REXO4: variants seen among roughly 807,000 people sequenced by gnomAD.
The protein encoded by REXO4 is REX4 homolog, 3'-5' exonuclease.
A neutral mutation model predicts 39.9 loss-of-function variants in REXO4; 29 were observed. The ratio of observed to expected loss-of-function variants is 0.73; its 90% CI spans 0.54 to 0.99. The LOEUF is 0.99. Among genes scored for constraint, REXO4 ranks in the 50% least tolerant of loss-of-function variants. The pLI, the probability that REXO4 is intolerant of heterozygous loss-of-function variation, is 0.00. For synonymous variants in REXO4, 184 were observed against 206.2 expected, an observed-to-expected ratio of 0.89 and a Z score of 0.92; for missense variants, 524 against 546.5, an observed-to-expected ratio of 0.96 and a Z score of 0.41.
chr9:133,411,176 T>G, intron 4 of REXO4, 103 bp from the exon 5 acceptor site: 1 of 911,832 alleles, frequency 1.1e-6, no homozygotes, highest in Non-Finnish European at 1.8e-6. Context: ...CTAAGACAAA[T>G]GGTCAGGCCT....
Position 133,410,985 on chromosome 9 carries a change from C to CT in REXO4, c.998dup (p.Val334GlyfsTer5). 1 of 1,613,566 alleles carries CT rather than the reference C, an allele frequency of 6.2e-7. No homozygotes were observed. ...GAGTCCCCAGGAGAGAGCCCAGTAC[C>CT]TTTAGGTCATTATGCAGAGCGTGCC... is the stretch of plus-strand genomic sequence containing the variant. On this transcript the variant is annotated frameshift_variant and splice_region_variant, in exon 5 of 8. Transcript: ENST00000371942. LOFTEE classifies it high-confidence loss of function.
At position 133,411,009 on chromosome 9, in the gene REXO4, C is replaced by G. The variant is rs1276857000; in HGVS notation, c.975G>C (p.Gly325=). The G allele has an allele frequency of 6.2e-7, 1 of 1,613,916 alleles. No homozygotes were observed. The highest frequency in any genetic ancestry group is 8.5e-7 in the Non-Finnish European group (1 of 1,179,906). ...AEMLKGRILV[G]HALHNDLKVL... is the part of the protein sequence containing the mutation. ...CCTTTAGGTCATTATGCAGAGCGTG[C>G]CCCACTAGAATTCTGCCCTTCAGCA... The change falls in exon 5 of 8, where the codon GGG becomes GGC. Residue 325 remains glycine (G), a synonymous_variant. Coordinates refer to ENST00000371942, the MANE Select transcript of REXO4 (RefSeq NM_020385.4).
At position 133,412,421 on chromosome 9, in the gene REXO4, G is replaced by A; in HGVS notation, c.788C>T (p.Ala263Val). Residue 263 changes from alanine (A) to valine (V), a missense_variant, in exon 4 of 8, where the codon GCC becomes GTC. Coordinates refer to ENST00000371942, the MANE Select transcript of REXO4 (RefSeq NM_020385.4). ...ATACTGGTTCACGATGGACACACGG[G>A]CGGCCATGCTCTCCTCCCCCTTAGG... ...VGPKGEESMA[A>V]RVSIVNQYGK... The A allele has an allele frequency of 1.2e-6, 2 of 1,614,092 alleles. No individual in the cohort carries two copies. The highest frequency in any genetic ancestry group is 2.2e-5 in the East Asian group (1 of 44,878).
Position 133,415,016 on chromosome 9 carries a change from G to C in REXO4, c.226-5C>G. The C allele has an allele frequency of 6.4e-7, 1 of 1,573,916 alleles. No homozygotes were observed. On this transcript the variant is annotated splice_polypyrimidine_tract_variant and splice_region_variant and intron_variant, in intron 1 of 7. Transcript: ENST00000371942. ...AGATTTTTGTTTCAGCAGCCACTGGGACCCAAAATAAAATACATGCTGCAT... is the reference window on the plus strand; with the variant it reads ...AGATTTTTGTTTCAGCAGCCACTGGCACCCAAAATAAAATACATGCTGCAT...
At chr9:133,408,281 C>G (rs1464860577) in intron 6 of REXO4, among the ~76,000 whole-genome samples, 1 of 152,018 alleles carries the variant, frequency 6.6e-6, no homozygotes, top group Non-Finnish European at 1.5e-5. Flanking sequence ...CAGCAAGACC[C>G]TATCTCTAAA....
rs782657874 is a variant in REXO4, at chr9:133,412,497, A to C, written c.717-5T>G. Reference sequence around the variant, plus strand: ...AAGGCTAAGGCTCTTGTCAGGCTGAAGGGTAACCAAAGGCTGTAGTTTAAT... The same window carrying C: ...AAGGCTAAGGCTCTTGTCAGGCTGACGGGTAACCAAAGGCTGTAGTTTAAT... On this transcript the variant is annotated splice_polypyrimidine_tract_variant and splice_region_variant and intron_variant, in intron 3 of 7. Coordinates refer to ENST00000371942, the MANE Select transcript of REXO4 (RefSeq NM_020385.4). 1.3e-5 allele frequency: 21 copies of C among 1,613,706 alleles called. No individual in the cohort carries two copies. The highest frequency in any genetic ancestry group is 9.3e-5 in the African/African-American group (7 of 74,914).
intron 5 of REXO4, among the ~76,000 whole-genome samples, chr9:133,409,952 C>T (rs960827465): frequency 2.6e-5 from 4 of 152,150 alleles, no homozygotes; most frequent in Non-Finnish European, 5.9e-5. Context: ...CGAGTCCCCA[C>T]GGCAGCAGTC....
At chr9:133,415,724 A>G (rs1312510970) in intron 1 of REXO4, 3 of 152,252 alleles carry the variant, frequency 2.0e-5, no homozygotes, top group Non-Finnish European at 4.4e-5. Flanking sequence ...AAAACACTCC[A>G]AAGTTTCCCT....
At position 133,406,913 on chromosome 9, in the gene REXO4, G is replaced by A; in HGVS notation, c.*40C>T. On this transcript the variant is annotated 3_prime_UTR_variant, in exon 8 of 8. Transcript: ENST00000371942. Reference sequence around the variant, plus strand: ...ATCTGTCCCTGTGACTGGTCACATTGCCTCTGTAGCGGGGCGGCAGCAGCA... The same window carrying A: ...ATCTGTCCCTGTGACTGGTCACATTACCTCTGTAGCGGGGCGGCAGCAGCA... The A allele has an allele frequency of 6.2e-7, 1 of 1,605,304 alleles. No homozygotes were observed. Among genetic ancestry groups the A allele is most frequent in the Non-Finnish European group, 8.5e-7 (1 of 1,179,806 alleles).
In REXO4 at chr9:133,406,665, C is replaced by T; in HGVS notation, c.*288G>A. On this transcript the variant is annotated 3_prime_UTR_variant, in exon 8 of 8. Coordinates refer to ENST00000371942, the MANE Select transcript of REXO4 (RefSeq NM_020385.4). ...TGGCGGCCCACAGGCCCCAACCTCA[C>T]CTGGCCCAGGGGGTCAGCAGTCGGT... The T allele has an allele frequency of 2.2e-6, 1 of 451,542 alleles. No homozygotes were observed. Among genetic ancestry groups the T allele is most frequent in the Non-Finnish European group, 4.1e-6 (1 of 243,980 alleles). 28.0% of individuals were successfully genotyped at this position (451,542 alleles called of 1,614,324 possible).
At chr9:133,407,143 G>A (rs1281602173) in intron 7 of REXO4, 71 bp from the exon 8 acceptor site, 17 of 1,599,006 alleles carry the variant, frequency 1.1e-5, no homozygotes, top group Admixed American at 3.3e-5. Flanking sequence ...CACAATGACT[G>A]AGCCCTCCCA....
intron 6 of REXO4, 63 bp from the exon 7 acceptor site, chr9:133,407,944 C>G: frequency 7.4e-7 from 1 of 1,343,330 alleles, no homozygotes; most frequent in Admixed American, 1.8e-5. Context: ...GGTCACCCCA[C>G]CAAGCAGGGA....
rs1838989403 is a variant in REXO4, at chr9:133,407,792, A to G, written c.1149+15T>C. ...CGCCCCAAACCCCATGAACTACCCC[A>G]CAGGACACACTTACTGAACAGTGCT... On this transcript the variant is annotated intron_variant, in intron 7 of 7. Coordinates refer to ENST00000371942, the MANE Select transcript of REXO4 (RefSeq NM_020385.4). 1 of 1,611,848 alleles carries G rather than the reference A, an allele frequency of 6.2e-7. No individual in the cohort carries two copies. The highest frequency in any genetic ancestry group is 8.5e-7 in the Non-Finnish European group (1 of 1,178,484).
intron 4 of REXO4, among the ~76,000 whole-genome samples, 165 bp downstream of exon 4, chr9:133,412,134 G>A (rs1391854818): frequency 6.6e-6 from 1 of 151,960 alleles, no homozygotes; most frequent in Non-Finnish European, 1.5e-5. Context: ...GTGTAAAGCC[G>A]TCTAAGGATG....
chr9:133,409,546 T>C (rs1703241248), intron 5 of REXO4, among the ~76,000 whole-genome samples: 3 of 152,162 alleles, frequency 2.0e-5, no homozygotes, highest in African/African-American at 7.2e-5. Context: ...CATCTTGCAA[T>C]CTTAGCATGC....
intron 1 of REXO4, among the ~76,000 whole-genome samples, chr9:133,416,463 T>C (rs1839606515): frequency 6.6e-6 from 1 of 152,166 alleles, no homozygotes; most frequent in Admixed American, 6.5e-5. Flanking sequence ...TCCTCCTGCC[T>C]GGGCCTCCCA....
At chr9:133,418,041 G>A, upstream of REXO4, 1 of 589,576 alleles carries the variant, frequency 1.7e-6, no homozygotes, top group East Asian at 2.9e-5. Flanking sequence ...GTCCCCGGAA[G>A]CGCTCGTCTC....
intron 2 of REXO4, 56 bp from the exon 3 acceptor site, chr9:133,412,977 G>T: frequency 6.4e-7 from 1 of 1,572,948 alleles, no homozygotes. Flanking sequence ...AACTGGTGGG[G>T]TGGGGCTGTG....
At chr9:133,413,637 A>G (rs188204778) in intron 2 of REXO4, among the ~76,000 whole-genome samples, 12 of 152,326 alleles carry the variant, frequency 7.9e-5, no homozygotes, top group African/African-American at 2.4e-4. Flanking sequence ...AAGCTCACAC[A>G]GGCACGTAAC....
Sources: allele counts gnomAD v4.1 joint callset (sites outside exome capture counted in the v4.1 genomes callset), GRCh38; gene constraint gnomAD v4.1.1; transcripts MANE v1.5; gene names NCBI Gene and HGNC (gene_info 2026-07-23, HGNC 2026-07-21).